ZMYM6: variants seen among roughly 807,000 people sequenced by gnomAD.
The protein encoded by ZMYM6 is zinc finger MYM-type containing 6.
In ZMYM6, 90 loss-of-function variants were observed where a neutral mutation model predicts 134.0. That is an observed-to-expected ratio of 0.67 (90% CI 0.57 to 0.80). The LOEUF is 0.80. Ranked by LOEUF, ZMYM6 falls within the 30% of genes least tolerant of loss-of-function variation. The pLI, the probability that ZMYM6 is intolerant of heterozygous loss-of-function variation, is 0.00. For missense variants in ZMYM6, 1,362 were observed against 1,533.9 expected, an observed-to-expected ratio of 0.89 and a Z score of 1.87; for synonymous variants, 481 against 524.1, an observed-to-expected ratio of 0.92 and a Z score of 1.12.
chr1:35,016,717 T>C (rs953951342), intron 4 of ZMYM6, among the ~76,000 whole-genome samples: 1 of 152,114 alleles, frequency 6.6e-6, no homozygotes, highest in Non-Finnish European at 1.5e-5. Flanking sequence ...ACCCCCATAA[T>C]CCTAGCACTT....
Position 34,987,854 on chromosome 1 carries a change from C to T in ZMYM6, c.3228G>A (p.Gly1076=). 1 of 1,551,216 alleles carries T rather than the reference C, an allele frequency of 6.4e-7. No homozygotes were observed. The highest frequency in any genetic ancestry group is 8.7e-7 in the Non-Finnish European group (1 of 1,146,842). Residue 1076 remains glycine, a synonymous_variant, in exon 16 of 16, where the codon GGG becomes GGA. Transcript: ENST00000357182. ...LHAEVRWISR[G]RMLKRLFELR... is the part of the protein sequence containing the mutation. ...ATTCAAATAATCTTTTTAACATTCTCCCTCTTGATATCCAACGTACTTCAG... is the reference window on the plus strand; with the variant it reads ...ATTCAAATAATCTTTTTAACATTCTTCCTCTTGATATCCAACGTACTTCAG...
intron 14 of ZMYM6, among the ~76,000 whole-genome samples, chr1:34,996,904 T>C (rs1029098150): frequency 1.3e-5 from 2 of 152,186 alleles, no homozygotes; most frequent in Admixed American, 1.3e-4. Flanking sequence ...GAATGCACCA[T>C]GGCCCTGACC....
chr1:35,011,947 G>C lies in ZMYM6; in HGVS notation c.1005C>G (p.Ala335=), dbSNP rs1297379801. 1 of 1,611,224 alleles carries C rather than the reference G, an allele frequency of 6.2e-7. No individual in the cohort carries two copies. The highest frequency in any genetic ancestry group is 1.7e-5 in the Admixed American group (1 of 59,930). The change falls in exon 8 of 16, where the codon GCC becomes GCG. Residue 335 remains alanine, a synonymous_variant. Transcript: ENST00000357182. ...KTSAIPQYHL[A]MSNGTIYSFC... is the part of the protein sequence containing the mutation. ...AGCTGTATATAGTTCCATTTGACAT[G>C]GCTAGGTGATACTGAGGGATTGCTG...
chr1:35,017,196 C>T, intron 4 of ZMYM6: 1 of 152,150 alleles, frequency 6.6e-6, no homozygotes, highest in Non-Finnish European at 1.5e-5. Flanking sequence ...TATCCTGCCT[C>T]CCATCCTGCA....
chr1:35,007,163 C>G, intron 11 of ZMYM6, 65 bp from the exon 12 acceptor site: 2 of 1,491,808 alleles, frequency 1.3e-6, no homozygotes, highest in Non-Finnish European at 1.8e-6. Context: ...TAACATTAAT[C>G]ATAAAAAGAG....
chr1:34,987,272 C>G lies in ZMYM6; in HGVS notation c.3810G>C (p.Arg1270Ser), dbSNP rs183418024. 1 of 1,612,814 alleles carries G rather than the reference C, an allele frequency of 6.2e-7. No individual in the cohort carries two copies. Among genetic ancestry groups the G allele is most frequent in the African/African-American group, 1.3e-5 (1 of 74,834 alleles). Residue 1270 changes from arginine to serine, a missense_variant, in exon 16 of 16, where the codon AGG becomes AGC. By Grantham distance (110) the Arg-to-Ser change is moderately radical. This residue lies in a region of ZMYM6 where 824 missense variants were observed against 940.9 expected (regional missense o/e 0.88). Coordinates refer to ENST00000357182, the MANE Select transcript of ZMYM6 (RefSeq NM_007167.4). Reference protein sequence around the residue: ...AKTSYPELHERAMKFLLPFST... With the variant: ...AKTSYPELHESAMKFLLPFST... ...AAAAGGGTAATAAAAATTTCATTGC[C>G]CTTTCATGGAGTTCTGGGTAACTTG...
At chr1:35,007,380 G>C (rs1400234197) in intron 11 of ZMYM6, among the ~76,000 whole-genome samples, 1 of 151,986 alleles carries the variant, frequency 6.6e-6, no homozygotes. Context: ...CATGAGGTCA[G>C]GAGTTCAAGA....
At chr1:35,022,408 C>T (rs1484391686) in intron 2 of ZMYM6, among the ~76,000 whole-genome samples, 16 of 152,252 alleles carry the variant, frequency 1.1e-4, no homozygotes, top group Admixed American at 8.5e-4. Context: ...GGATTACAGG[C>T]ACTCACCACC....
At chr1:34,993,826 A>G (rs984448917) in intron 14 of ZMYM6, among the ~76,000 whole-genome samples, 2 of 151,680 alleles carry the variant, frequency 1.3e-5, no homozygotes, top group Non-Finnish European at 2.9e-5. Flanking sequence ...TGGGACTACA[A>G]GCACCCGCCA....
chr1:34,988,644 C>T lies in ZMYM6; in HGVS notation c.2438G>A (p.Cys813Tyr). ...ACACTTTTTTAAAGAACTATTTTGA[C>T]ATTCCATTTCTAAAGATTTTTGTTC... The part of the protein sequence containing the change: ...FFEQKSLEME[C>Y]QNSSLKKCLL... Residue 813 changes from cysteine (C) to tyrosine (Y), a missense_variant, in exon 16 of 16, where the codon TGT (cysteine) becomes TAT (tyrosine). Physicochemically the swap from Cys to Tyr is radical, Grantham distance 194 (BLOSUM62 -2). Around this residue, in one of 3 missense-constraint regions of ZMYM6, gnomAD observed 824 missense variants for 940.9 expected, o/e 0.88. Coordinates refer to ENST00000357182, the MANE Select transcript of ZMYM6 (RefSeq NM_007167.4). 6.5e-7 allele frequency: 1 copy of T among 1,547,526 alleles called. No individual in the cohort carries two copies. Among genetic ancestry groups the T allele is most frequent in the Admixed American group, 2.0e-5 (1 of 50,322 alleles).
chr1:34,993,845 G>A (rs111546914), intron 14 of ZMYM6, among the ~76,000 whole-genome samples: 2 of 151,788 alleles, frequency 1.3e-5, no homozygotes, highest in Non-Finnish European at 2.9e-5. Context: ...CACCACGCCC[G>A]GCTAATTTTT....
At chr1:35,022,235 G>A (rs1641324853) in intron 2 of ZMYM6, among the ~76,000 whole-genome samples, 2 of 152,094 alleles carry the variant, frequency 1.3e-5, no homozygotes, top group Admixed American at 1.3e-4. Flanking sequence ...AAGAGACTAC[G>A]TGCACAGATG....
intron 2 of ZMYM6, among the ~76,000 whole-genome samples, chr1:35,021,071 A>G (rs1641300540): frequency 6.6e-6 from 1 of 151,324 alleles, no homozygotes; most frequent in African/African-American, 2.4e-5. Context: ...AGCACTACCT[A>G]TTTTTTAGGT....
intron 15 of ZMYM6, 62 bp downstream of exon 15, chr1:34,992,172 A>C (rs1469500924): frequency 6.2e-7 from 1 of 1,606,358 alleles, no homozygotes; most frequent in Admixed American, 1.7e-5. Flanking sequence ...CCTTTCTTAA[A>C]AAACAAAAAC....
chr1:35,028,411 T>C (rs1427919225), intron 2 of ZMYM6, among the ~76,000 whole-genome samples: 1 of 152,108 alleles, frequency 6.6e-6, no homozygotes, highest in Non-Finnish European at 1.5e-5. Flanking sequence ...GCTGATACAA[T>C]AAAGTCAATA....
chr1:34,989,392 AAG>A (rs1428925533), intron 15 of ZMYM6: 1 of 306,968 alleles, frequency 3.3e-6, no homozygotes, highest in African/African-American at 2.6e-5. Flanking sequence ...AAAAAAAAAG[AAG>A]AAGAAAAAAA....
chr1:34,986,864 C>T lies in ZMYM6; in HGVS notation c.*240G>A, dbSNP rs1640586729. ...CATTATAAACTGGGCTTCTCATTAC[C>T]TGCAGTCTTTGTCACTAGTCCAAAT... On this transcript the variant is annotated 3_prime_UTR_variant, in exon 16 of 16. Coordinates refer to ENST00000357182, the MANE Select transcript of ZMYM6 (RefSeq NM_007167.4). 7.9e-6 allele frequency: 2 copies of T among 254,286 alleles called. No individual in the cohort carries two copies. Among genetic ancestry groups the T allele is most frequent in the South Asian group, 3.0e-4 (2 of 6,650 alleles). The allele number at this position is 254,286 out of a possible 1,614,324, so 15.8% of individuals were successfully genotyped here. A position where few individuals can be genotyped will look rare whatever the true frequency, so the allele number is the denominator to read the frequency against.
At chr1:35,012,631 C>T in intron 6 of ZMYM6, 50 bp from the exon 7 acceptor site, 2 of 1,581,714 alleles carry the variant, frequency 1.3e-6, no homozygotes, top group Non-Finnish European at 1.7e-6. Flanking sequence ...TACATATTTA[C>T]ATATTGTTCA....
intron 2 of ZMYM6, among the ~76,000 whole-genome samples, chr1:35,027,595 C>T (rs568025337): frequency 6.6e-6 from 1 of 151,966 alleles, no homozygotes; most frequent in South Asian, 2.1e-4. Context: ...CAAAAACTAG[C>T]TGGGTGTGGT....
Sources: allele counts gnomAD v4.1 joint callset (sites outside exome capture counted in the v4.1 genomes callset), GRCh38; gene constraint gnomAD v4.1.1; regional missense constraint gnomAD v4.1.1; transcripts MANE v1.5; gene names NCBI Gene and HGNC (gene_info 2026-07-23, HGNC 2026-07-21).